Variants in NECAB1 observed in about 807,000 individuals in gnomAD.
The protein encoded by NECAB1 is N-terminal EF-hand calcium binding protein 1, also known as N-terminal EF-hand calcium-binding protein 1.
Under a neutral mutation model 57.5 loss-of-function variants are expected in NECAB1, and 29 were observed. That is an observed-to-expected ratio of 0.50 (90% confidence interval 0.38 to 0.69). NECAB1 has a LOEUF of 0.69. Ranked by LOEUF, NECAB1 falls within the 30% of genes least tolerant of loss-of-function variation. The pLI, the probability that NECAB1 is intolerant of heterozygous loss-of-function variation, is 0.00. For missense variants in NECAB1, 372 were observed against 413.8 expected, an observed-to-expected ratio of 0.90 and a Z score of 0.88; for synonymous variants, 142 against 147.7, an observed-to-expected ratio of 0.96 and a Z score of 0.28.
rs1811048008 is a variant in NECAB1 at position 90,957,215 on chromosome 8, G to A, written c.*1703G>A. Reference sequence around the variant, plus strand: ...AGACTTTAAAACCTAAATGACTTTTGACATACAAACTCTTCTTGAGAATGT... The same window carrying A: ...AGACTTTAAAACCTAAATGACTTTTAACATACAAACTCTTCTTGAGAATGT... On this transcript the variant is annotated 3_prime_UTR_variant, in exon 13 of 13. Transcript: ENST00000417640. The A allele has an allele frequency of 6.6e-6, 1 of 151,878 alleles. No homozygotes were observed. Among genetic ancestry groups the A allele is most frequent in the Non-Finnish European group, 1.5e-5 (1 of 67,912 alleles). The allele number at this position is 151,878 out of a possible 1,614,324, so 9.4% of individuals were successfully genotyped here. A position where few individuals can be genotyped will look rare whatever the true frequency, so the allele number is the denominator to read the frequency against.
intron 8 of NECAB1, 59 bp downstream of exon 8, chr8:90,928,358 T>A: frequency 3.1e-6 from 4 of 1,308,502 alleles, no homozygotes; most frequent in Non-Finnish European, 4.3e-6. Flanking sequence ...TTACCTAATA[T>A]TCCCCATTGC....
Position 90,802,983 on chromosome 8 carries a change from G to A in NECAB1, c.124+1268G>A, listed in dbSNP as rs148770616. On this transcript the variant is annotated intron_variant, in intron 2 of 12. Transcript: ENST00000417640. ...GGGATCTTGGCTTACTGCAACCTCC[G>A]TCTCCTGGGTTCAAGCAATTCTCCT... 3.5e-3 allele frequency among the ~76,000 whole-genome samples: 528 copies of A among 152,096 alleles called. 6 individuals carry two copies. The highest frequency in any genetic ancestry group is 0.017 in the Middle Eastern group (5 of 294).
intron 3 of NECAB1, among the ~76,000 whole-genome samples, chr8:90,846,189 G>A (rs1812555070): frequency 6.6e-6 from 1 of 152,184 alleles, no homozygotes; most frequent in Admixed American, 6.5e-5. Flanking sequence ...GAACCAAACT[G>A]ACTTTACCAA....
At chr8:90,830,816 A>C (rs1226704035) in intron 3 of NECAB1, among the ~76,000 whole-genome samples, 1 of 152,102 alleles carries the variant, frequency 6.6e-6, no homozygotes, top group East Asian at 1.9e-4. Flanking sequence ...AGGAACCACA[A>C]AGCTGTGGAG....
At chr8:90,886,677 A>G (rs1809001337) in intron 5 of NECAB1, among the ~76,000 whole-genome samples, 1 of 151,744 alleles carries the variant, frequency 6.6e-6, no homozygotes, top group African/African-American at 2.4e-5. Context: ...GAGCCACAGC[A>G]CCTGTCTTGA....
At chr8:90,877,228 T>G (rs1247240866) in intron 4 of NECAB1, among the ~76,000 whole-genome samples, 2 of 152,200 alleles carry the variant, frequency 1.3e-5, no homozygotes, top group Admixed American at 6.5e-5. Context: ...CTTCAAAGCT[T>G]TGGCATGGCT....
intron 2 of NECAB1, among the ~76,000 whole-genome samples, chr8:90,811,125 T>G (rs964393690): frequency 5.1e-4 from 77 of 151,816 alleles, no homozygotes; most frequent in Non-Finnish European, 1.6e-4. Context: ...TTTTTTGGGG[T>G]TTTGTTCAGC....
At chr8:90,940,708 A>G in intron 9 of NECAB1, 78 bp from the exon 10 acceptor site, 1 of 1,014,638 alleles carries the variant, frequency 9.9e-7, no homozygotes, top group Admixed American at 2.1e-5. Flanking sequence ...GTGAGGAGGA[A>G]TGGGATGGGC....
chr8:90,805,738 T>A, intron 2 of NECAB1, among the ~76,000 whole-genome samples: 1 of 152,098 alleles, frequency 6.6e-6, no homozygotes, highest in East Asian at 1.9e-4. Context: ...ATATTTTATT[T>A]TAAAATATTT....
chr8:90,918,572 A>G (rs1359314548), intron 6 of NECAB1, among the ~76,000 whole-genome samples: 1 of 152,220 alleles, frequency 6.6e-6, no homozygotes, highest in Non-Finnish European at 1.5e-5. Context: ...GAGAAAGTCA[A>G]TTTCATGGAG....
chr8:90,904,714 T>A (rs188980440), intron 5 of NECAB1, among the ~76,000 whole-genome samples: 1 of 152,082 alleles, frequency 6.6e-6, no homozygotes, highest in Non-Finnish European at 1.5e-5. Flanking sequence ...ATAAAAAAAA[T>A]TGTATATCTA....
At chr8:90,878,130 T>C (rs1258154865) in intron 4 of NECAB1, among the ~76,000 whole-genome samples, 2 of 151,988 alleles carry the variant, frequency 1.3e-5, no homozygotes, top group African/African-American at 2.4e-5. Context: ...TTGGTATCCC[T>C]GGTTCAAGCA....
At chr8:90,815,513 A>G (rs2129684360) in intron 2 of NECAB1, among the ~76,000 whole-genome samples, 1 of 152,086 alleles carries the variant, frequency 6.6e-6, no homozygotes, top group Non-Finnish European at 1.5e-5. Flanking sequence ...TAGTTTACCT[A>G]CCTTCAAAAG....
chr8:90,830,074 CTTGAG>C (rs371035678), intron 3 of NECAB1, among the ~76,000 whole-genome samples: 57 of 152,132 alleles, frequency 3.7e-4, no homozygotes, highest in African/African-American at 1.3e-3. Flanking sequence ...CCCTTTCTTT[CTTGAG>C]TTATCTTTTA....
At chr8:90,914,537 CCA>C (rs1310441149) in intron 5 of NECAB1, among the ~76,000 whole-genome samples, 1 of 152,058 alleles carries the variant, frequency 6.6e-6, no homozygotes, top group East Asian at 1.9e-4. Context: ...TTAAACCCAC[CCA>C]CCACCCCTCT....
intron 5 of NECAB1, among the ~76,000 whole-genome samples, chr8:90,891,788 G>A (rs1358766921): frequency 6.6e-6 from 1 of 151,846 alleles, no homozygotes; most frequent in Non-Finnish European, 1.5e-5. Context: ...CCACCTCCCA[G>A]GTTCAAGCGA....
chr8:90,855,097 A>C (rs1812769375), intron 3 of NECAB1, among the ~76,000 whole-genome samples: 1 of 152,170 alleles, frequency 6.6e-6, no homozygotes. Flanking sequence ...TCAGGAGCAC[A>C]GGTCACTGTA....
At chr8:90,928,418 G>C in intron 8 of NECAB1, 119 bp downstream of exon 8, 2 of 670,566 alleles carry the variant, frequency 3.0e-6, no homozygotes, top group East Asian at 3.1e-5. Flanking sequence ...GGATCCCAAT[G>C]ATTCTATGAA....
In NECAB1 at chr8:90,801,042, G is replaced by T. The variant is rs186656876; in HGVS notation, c.100-649G>T. Among the ~76,000 whole-genome samples, 300 of 152,188 alleles carry T rather than the reference G, an allele frequency of 2.0e-3. 1 individual carries two copies. The highest frequency in any genetic ancestry group is 3.3e-3 in the Non-Finnish European group (226 of 68,026). ...GTATAAATAAAGTAGATATAGCATA[G>T]ACATGTGGTTACTCTTTACCCATGA... On this transcript the variant is annotated intron_variant, in intron 1 of 12. Coordinates refer to ENST00000417640, the MANE Select transcript of NECAB1 (RefSeq NM_022351.5).
Sources: allele counts gnomAD v4.1 joint callset (sites outside exome capture counted in the v4.1 genomes callset), GRCh38; gene constraint gnomAD v4.1.1; transcripts MANE v1.5; gene names NCBI Gene and HGNC (gene_info 2026-07-23, HGNC 2026-07-21).